The following SAMD8 variants were observed in gnomAD, a reference collection of about 807,000 sequenced individuals.
SAMD8 encodes the protein sphingomyelin synthase-related protein 1.
A neutral mutation model predicts 42.0 loss-of-function variants in SAMD8; 20 were observed. That is an observed-to-expected ratio of 0.48 (90% CI 0.34 to 0.69). The LOEUF (loss-of-function observed/expected upper bound fraction) is 0.69, where lower values mean the gene tolerates loss of function less well. Among genes scored for constraint, SAMD8 ranks in the 30% least tolerant of loss-of-function variants. The pLI, the probability that SAMD8 is intolerant of heterozygous loss-of-function variation, is 0.01. For synonymous variants in SAMD8, 162 were observed against 173.0 expected (o/e 0.94, Z 0.50); for missense variants, 328 against 511.6 (o/e 0.64, Z 3.46).
intron 1 of SAMD8, among the ~76,000 whole-genome samples, chr10:75,104,441 C>T (rs1481698347): frequency 1.3e-5 from 2 of 152,150 alleles, no homozygotes; most frequent in African/African-American, 4.8e-5. Flanking sequence ...ATGCTGTACC[C>T]CTGCCTATCC....
chr10:75,123,916 C>T (rs546401950), intron 1 of SAMD8, among the ~76,000 whole-genome samples: 163 of 152,124 alleles, frequency 1.1e-3, no homozygotes, highest in African/African-American at 3.8e-3. Flanking sequence ...TTAGTAGAGA[C>T]GGAGTTTCAC....
intron 2 of SAMD8, 147 bp downstream of exon 2, chr10:75,151,253 A>G (rs1840281578): frequency 4.5e-6 from 2 of 446,826 alleles, no homozygotes; most frequent in Admixed American, 4.3e-5. Context: ...ATGCTTTGAA[A>G]TTACCTTTTT....
At chr10:75,116,129 T>C (rs1294761464) in intron 1 of SAMD8, among the ~76,000 whole-genome samples, 2 of 151,590 alleles carry the variant, frequency 1.3e-5, no homozygotes, top group African/African-American at 4.8e-5. Context: ...AAAGATAGGG[T>C]CTCACTGTCT....
chr10:75,104,401 T>TTGG (rs1408116069), intron 1 of SAMD8, among the ~76,000 whole-genome samples: 1 of 152,162 alleles, frequency 6.6e-6, no homozygotes, highest in Non-Finnish European at 1.5e-5. Flanking sequence ...GTTGCACAGT[T>TTGG]TGGTGGATGA....
At chr10:75,101,021 G>A (rs553007579) in intron 1 of SAMD8, among the ~76,000 whole-genome samples, 4 of 152,366 alleles carry the variant, frequency 2.6e-5, no homozygotes, top group Middle Eastern at 3.4e-3. Context: ...CTCCAGGGAG[G>A]CCAGACAGAA....
At chr10:75,111,328 T>A (rs1194678147), upstream of SAMD8, 3 of 391,742 alleles carry the variant, frequency 7.7e-6, no homozygotes, top group African/African-American at 2.1e-5. Flanking sequence ...CGCTTCCTCC[T>A]GTCGCTTTGG....
chr10:75,124,775 T>A (rs1849090493), intron 1 of SAMD8, among the ~76,000 whole-genome samples: 1 of 151,798 alleles, frequency 6.6e-6, no homozygotes, highest in Non-Finnish European at 1.5e-5. Context: ...ACAATCTGTT[T>A]TACACTCTTA....
chr10:75,127,075 A>G (rs1440720129), intron 1 of SAMD8, among the ~76,000 whole-genome samples: 2 of 151,710 alleles, frequency 1.3e-5, no homozygotes, highest in African/African-American at 4.8e-5. Context: ...TGTAGTCCCA[A>G]CTACTCGGGA....
chr10:75,169,169 CAA>C (rs1023080854), intron 4 of SAMD8, among the ~76,000 whole-genome samples: 154 of 30,208 alleles, frequency 5.1e-3, no homozygotes, highest in African/African-American at 0.02. Flanking sequence ...GACTCCATCT[CAA>C]AAAAAAAAAA....
At chr10:75,152,346 C>A (rs1331960461) in intron 2 of SAMD8, among the ~76,000 whole-genome samples, 1 of 147,584 alleles carries the variant, frequency 6.8e-6, no homozygotes, top group Non-Finnish European at 1.5e-5. Flanking sequence ...AACGGTGAAA[C>A]CCCGTCTCTA....
chr10:75,128,364 C>T (rs1273813937), intron 1 of SAMD8, among the ~76,000 whole-genome samples: 3 of 152,000 alleles, frequency 2.0e-5, no homozygotes, highest in African/African-American at 4.8e-5. Flanking sequence ...TGAGCCACCG[C>T]ACCCGCCCTT....
upstream of SAMD8, chr10:75,109,171 C>T (rs74146287): frequency 1.8e-3 from 2,855 of 1,563,468 alleles, 51 homozygotes; most frequent in African/African-American, 0.034. Context: ...CCAGCCCGCC[C>T]ACCCCTCTGC....
At chr10:75,150,392 G>A (rs1196536077) in intron 1 of SAMD8, 122 bp from the exon 2 acceptor site, 3 of 1,448,964 alleles carry the variant, frequency 2.1e-6, no homozygotes, top group Non-Finnish European at 2.7e-6. Context: ...AAAGTGCTGG[G>A]GATTGTAGGC....
At chr10:75,171,998 C>A (rs988235660) in intron 4 of SAMD8, among the ~76,000 whole-genome samples, 4 of 151,290 alleles carry the variant, frequency 2.6e-5, no homozygotes, top group Non-Finnish European at 5.9e-5. Flanking sequence ...TGCACTCCAG[C>A]CTGGGTGACA....
At chr10:75,171,675 CCTT>C (rs1470832325) in intron 4 of SAMD8, among the ~76,000 whole-genome samples, 3 of 152,078 alleles carry the variant, frequency 2.0e-5, no homozygotes, top group Admixed American at 6.6e-5. Context: ...TCAGTTATCT[CCTT>C]AAGATAAATT....
Position 75,176,930 on chromosome 10 carries a change from A to G in SAMD8, c.*238A>G. 1 of 434,654 alleles carries G rather than the reference A, an allele frequency of 2.3e-6. No homozygotes were observed. Among genetic ancestry groups the G allele is most frequent in the African/African-American group, 2.0e-5 (1 of 50,094 alleles). 26.9% of individuals were successfully genotyped at this position (434,654 alleles called of 1,614,324 possible). A position where few individuals can be genotyped will look rare whatever the true frequency, so the allele number is the denominator to read the frequency against. On this transcript the variant is annotated 3_prime_UTR_variant, in exon 6 of 6. Coordinates refer to ENST00000542569, the MANE Select transcript of SAMD8 (RefSeq NM_001174156.2). This position sits in a 1 kb window ranked among gnomAD's most constrained non-coding sequence, Gnocchi z 4.3. ...TTTTCTGCCCCTTCTCTTTAGGAAG[A>G]CTTAATGTTGTGATTGAAGTCAGGC...
intron 2 of SAMD8, among the ~76,000 whole-genome samples, chr10:75,163,981 G>T (rs1840618066): frequency 1.3e-5 from 2 of 152,190 alleles, no homozygotes; most frequent in African/African-American, 4.8e-5. Context: ...CACTTTGGAA[G>T]TCTGAGACGG....
upstream of SAMD8, among the ~76,000 whole-genome samples, chr10:75,107,531 T>C (rs1352944580): frequency 6.6e-6 from 1 of 152,104 alleles, no homozygotes; most frequent in African/African-American, 2.4e-5. Flanking sequence ...TTTCCCCATC[T>C]GGGAAGGAAT....
chr10:75,177,447 A>G lies in SAMD8; in HGVS notation c.*755A>G, dbSNP rs999282954. On this transcript the variant is annotated 3_prime_UTR_variant, in exon 6 of 6. Coordinates refer to ENST00000542569, the MANE Select transcript of SAMD8 (RefSeq NM_001174156.2). ...GCATCCATAAAAATAAATGGGCTTAATGTTAGTGGTATAGGTACCCAGAAT... is the reference window on the plus strand; with the variant it reads ...GCATCCATAAAAATAAATGGGCTTAGTGTTAGTGGTATAGGTACCCAGAAT... The G allele has an allele frequency of 1.3e-5, 2 of 152,214 alleles. No individual in the cohort carries two copies. Among genetic ancestry groups the G allele is most frequent in the African/African-American group, 4.8e-5 (2 of 41,456 alleles). The allele number at this position is 152,214 out of a possible 1,614,324, so 9.4% of individuals were successfully genotyped here.
Sources: allele counts gnomAD v4.1 joint callset (sites outside exome capture counted in the v4.1 genomes callset), GRCh38; gene constraint gnomAD v4.1.1; non-coding constraint Gnocchi (gnomAD v3.1); transcripts MANE v1.5; gene names NCBI Gene and HGNC (gene_info 2026-07-23, HGNC 2026-07-21).